Variants in CDKL3 observed in about 807,000 individuals in gnomAD.
The protein encoded by CDKL3 is cyclin dependent kinase like 3.
A neutral mutation model predicts 69.3 loss-of-function variants in CDKL3; 65 were observed. The ratio of observed to expected loss-of-function variants is 0.94; its 90% CI spans 0.77 to 1.15. The LOEUF (loss-of-function observed/expected upper bound fraction) is 1.15, where lower values mean the gene tolerates loss of function less well. CDKL3 is among the 50% of genes most tolerant of loss of function. The pLI is 0.00. For synonymous variants in CDKL3, 202 were observed against 221.6 expected, an observed-to-expected ratio of 0.91 and a Z score of 0.79; for missense variants, 652 against 689.2, an observed-to-expected ratio of 0.95 and a Z score of 0.61.
intron 12 of CDKL3, 146 bp from the exon 13 acceptor site, chr5:134,298,856 T>A: frequency 9.3e-7 from 1 of 1,074,604 alleles, no homozygotes; most frequent in Non-Finnish European, 1.3e-6. Context: ...CTTCAATGCC[T>A]TGCTCAACTT....
At chr5:134,297,328 G>A (rs1020088519), downstream of CDKL3, among the ~76,000 whole-genome samples, 1 of 152,078 alleles carries the variant, frequency 6.6e-6, no homozygotes, top group African/African-American at 2.4e-5. Flanking sequence ...CAACCCAGAG[G>A]TAATTTTTGT....
At chr5:134,306,837 C>T (rs1442482640) in intron 9 of CDKL3, 135 bp from the exon 10 acceptor site, 3 of 543,360 alleles carry the variant, frequency 5.5e-6, no homozygotes, top group African/African-American at 4.2e-5. Flanking sequence ...TCACTGCAAC[C>T]TCTGTCTCCT....
At chr5:134,299,402 A>G in intron 12 of CDKL3, 1 of 768,258 alleles carries the variant, frequency 1.3e-6, no homozygotes, top group Non-Finnish European at 1.7e-6. Flanking sequence ...AGTATGATTG[A>G]AATAATAGGT....
chr5:134,328,540 G>A (rs958975293), intron 4 of CDKL3, among the ~76,000 whole-genome samples: 9 of 152,074 alleles, frequency 5.9e-5, no homozygotes, highest in African/African-American at 1.9e-4. Context: ...AGCCTCAAGA[G>A]AAATGTGAAA....
At chr5:134,295,001 AT>A (rs1171203504), downstream of CDKL3, among the ~76,000 whole-genome samples, 1 of 131,834 alleles carries the variant, frequency 7.6e-6, no homozygotes, top group African/African-American at 2.8e-5. Flanking sequence ...GGAAGACTTG[AT>A]TTTTTTTTCT....
intron 8 of CDKL3, among the ~76,000 whole-genome samples, chr5:134,292,948 T>G (rs1345513719): frequency 6.7e-6 from 1 of 150,282 alleles, no homozygotes; most frequent in African/African-American, 2.4e-5. Context: ...AATTTGTATA[T>G]TAAGATCCTT....
rs10706943 is a variant in CDKL3, at chr5:134,325,927, C to CTT, written c.540-4026_540-4025dup. 2.5e-3 allele frequency among the ~76,000 whole-genome samples: 205 copies of CTT among 82,848 alleles called. 2 individuals are homozygous for CTT. Among genetic ancestry groups the CTT allele is most frequent in the African/African-American group, 4.2e-3 (87 of 20,714 alleles). 54.4% of individuals were successfully genotyped at this position (82,848 alleles called of 152,430 possible). A position where few individuals can be genotyped will look rare whatever the true frequency, so the allele number is the denominator to read the frequency against. The stretch of plus-strand genomic sequence containing the variant: ...TACAGGCGCCCATCACCACGCCTGG[C>CTT]TTTTTTTTTTTTTTTTTTTTTTGTA... On this transcript the variant is annotated intron_variant, in intron 4 of 12. Transcript: ENST00000265334.
intron 4 of CDKL3, among the ~76,000 whole-genome samples, chr5:134,323,189 C>A (rs1773248041): frequency 6.6e-6 from 1 of 151,996 alleles, no homozygotes; most frequent in Non-Finnish European, 1.5e-5. Flanking sequence ...CAATACAATC[C>A]CAGACAAAAT....
downstream of CDKL3, among the ~76,000 whole-genome samples, chr5:134,285,379 T>C (rs1439815203): frequency 6.6e-6 from 1 of 152,222 alleles, no homozygotes; most frequent in Non-Finnish European, 1.5e-5. Context: ...ATTCTTGACT[T>C]CTGTGCACTC....
intron 4 of CDKL3, among the ~76,000 whole-genome samples, chr5:134,348,549 C>T (rs1298296840): frequency 6.6e-6 from 1 of 151,562 alleles, no homozygotes; most frequent in Non-Finnish European, 1.5e-5. Flanking sequence ...TATGCCTATC[C>T]TTGAGGAACT....
At chr5:134,362,031 C>A (rs1756156692) in intron 2 of CDKL3, among the ~76,000 whole-genome samples, 1 of 152,130 alleles carries the variant, frequency 6.6e-6, no homozygotes, top group Non-Finnish European at 1.5e-5. Flanking sequence ...TATGAATAAG[C>A]ATTGTAGAAG....
upstream of CDKL3, chr5:134,371,391 C>T (rs1211278251): frequency 1.9e-5 from 13 of 697,382 alleles, no homozygotes; most frequent in Admixed American, 5.9e-5. Context: ...CCTCCCCCAG[C>T]ACTCACACTG....
At position 134,349,517 on chromosome 5, in the gene CDKL3, AT is replaced by A. The variant is rs1752725499; in HGVS notation, c.539+731del. 2.6e-5 allele frequency among the ~76,000 whole-genome samples: 4 copies of A among 152,282 alleles called. No individual in the cohort carries two copies. The South Asian group carries it at 8.3e-4, about 32-fold the overall frequency. ...TGCCAGTCTTCACAAAGAGGGTACC[AT>A]TTTTCCAGGAAATGGGAAACTCGGC... On this transcript the variant is annotated intron_variant, in intron 4 of 12. Transcript: ENST00000265334.
Position 134,366,530 on chromosome 5 carries a change from G to A in CDKL3, c.-7C>T. ...GGGTTTCATACATCTCCATTTTCAA[G>A]CTGGGCTTTTACTACTTTATAGAAA... On this transcript the variant is annotated 5_prime_UTR_variant, in exon 2 of 13. Coordinates refer to ENST00000265334, the MANE Select transcript of CDKL3 (RefSeq NM_001113575.2). 6.3e-7 allele frequency: 1 copy of A among 1,588,314 alleles called. No homozygotes were observed. The highest frequency in any genetic ancestry group is 8.6e-7 in the Non-Finnish European group (1 of 1,168,608).
At chr5:134,334,192 T>C (rs1043708880) in intron 4 of CDKL3, among the ~76,000 whole-genome samples, 2 of 152,148 alleles carry the variant, frequency 1.3e-5, no homozygotes, top group Non-Finnish European at 2.9e-5. Flanking sequence ...TATTTGATTC[T>C]TCTCTCTTCT....
At position 134,352,951 on chromosome 5, in the gene CDKL3, C is replaced by T. The variant is rs77706600; in HGVS notation, c.361-2524G>A. 9.7e-3 allele frequency among the ~76,000 whole-genome samples: 1,474 copies of T among 152,168 alleles called. 12 individuals are homozygous for T. Among genetic ancestry groups the T allele is most frequent in the African/African-American group, 0.032 (1,310 of 41,522 alleles). ...ATGTAATCCCATTTATCTATGTTTG[C>T]TTCTGTTGCCTGTGCTTTTGGGTTC... is the stretch of plus-strand genomic sequence containing the variant. On this transcript the variant is annotated intron_variant, in intron 3 of 12. Transcript: ENST00000265334.
At chr5:134,342,062 T>C (rs867204760) in intron 4 of CDKL3, among the ~76,000 whole-genome samples, 2 of 152,176 alleles carry the variant, frequency 1.3e-5, no homozygotes, top group South Asian at 2.1e-4. Context: ...TGCATGTCCA[T>C]GTCCTTCATC....
chr5:134,359,831 A>G, intron 3 of CDKL3, 66 bp downstream of exon 3: 1 of 1,019,116 alleles, frequency 9.8e-7, no homozygotes, highest in East Asian at 2.7e-5. Flanking sequence ...TAAAAATAAA[A>G]CAATGTATAA....
chr5:134,346,084 T>C (rs531775142), intron 4 of CDKL3, among the ~76,000 whole-genome samples: 21 of 152,246 alleles, frequency 1.4e-4, no homozygotes, highest in African/African-American at 4.8e-4. Flanking sequence ...TCCAGAGCGA[T>C]TAGAATTCCT....
Sources: allele counts gnomAD v4.1 joint callset (sites outside exome capture counted in the v4.1 genomes callset), GRCh38; gene constraint gnomAD v4.1.1; transcripts MANE v1.5; gene names NCBI Gene and HGNC (gene_info 2026-07-23, HGNC 2026-07-21).